ADAM2: variants seen among roughly 807,000 people sequenced by gnomAD.
ADAM2 encodes disintegrin and metalloproteinase domain-containing protein 2.
Under a neutral mutation model 99.3 loss-of-function variants are expected in ADAM2, and 101 were observed. The ratio of observed to expected loss-of-function variants is 1.02; its 90% CI spans 0.87 to 1.20. The LOEUF (loss-of-function observed/expected upper bound fraction) is 1.20, where lower values mean the gene tolerates loss of function less well. Ranked by LOEUF, ADAM2 falls within the 50% of genes most tolerant of loss-of-function variation. The pLI is 0.00. For synonymous variants in ADAM2, 323 were observed against 287.6 expected (o/e 1.12, Z -1.25); for missense variants, 948 against 878.7 (o/e 1.08, Z -1.00).
chr8:39,806,112 A>G (rs1278996175), intron 7 of ADAM2, among the ~76,000 whole-genome samples: 1 of 152,210 alleles, frequency 6.6e-6, no homozygotes, highest in Non-Finnish European at 1.5e-5. Context: ...GATATTGAAT[A>G]CTTTTTCCAA....
At chr8:39,748,743 T>A (rs907705036) in intron 18 of ADAM2, among the ~76,000 whole-genome samples, 13 of 152,166 alleles carry the variant, frequency 8.5e-5, no homozygotes, top group African/African-American at 3.1e-4. Flanking sequence ...CTAAGTAATA[T>A]CTGGAGGATT....
At chr8:39,769,671 A>G (rs985889639) in intron 11 of ADAM2, 96 bp from the exon 12 acceptor site, 11 of 744,282 alleles carry the variant, frequency 1.5e-5, no homozygotes, top group Non-Finnish European at 2.4e-5. Flanking sequence ...ACAACAGACC[A>G]AATTCCCAAG....
intron 7 of ADAM2, 111 bp from the exon 8 acceptor site, chr8:39,788,851 C>G: frequency 1.8e-6 from 1 of 548,568 alleles, no homozygotes; most frequent in East Asian, 3.5e-5. Context: ...ATTTAAATTA[C>G]AAACATATTA....
intron 2 of ADAM2, among the ~76,000 whole-genome samples, chr8:39,834,966 G>C (rs1415086163): frequency 6.6e-6 from 1 of 151,988 alleles, no homozygotes; most frequent in Non-Finnish European, 1.5e-5. Flanking sequence ...TTCTTGCAAG[G>C]ACACCAGTCA....
At chr8:39,832,692 G>A (rs969650653) in intron 3 of ADAM2, among the ~76,000 whole-genome samples, 1 of 152,140 alleles carries the variant, frequency 6.6e-6, no homozygotes, top group African/African-American at 2.4e-5. Flanking sequence ...ATTCTCTGAT[G>A]AAGGCTTTGT....
chr8:39,766,026 A>G (rs1802553950), intron 14 of ADAM2, among the ~76,000 whole-genome samples: 1 of 152,118 alleles, frequency 6.6e-6, no homozygotes, highest in Non-Finnish European at 1.5e-5. Context: ...TATAGTTTGC[A>G]CCATGGTTTT....
intron 10 of ADAM2, among the ~76,000 whole-genome samples, chr8:39,780,767 A>G (rs1803186763): frequency 6.6e-6 from 1 of 152,018 alleles, no homozygotes; most frequent in Non-Finnish European, 1.5e-5. Flanking sequence ...TTTAAATAAT[A>G]TTTTGCTGCT....
In ADAM2 at chr8:39,744,908, TA is replaced by T; in HGVS notation, c.2175-16del. 6.3e-7 allele frequency: 1 copy of T among 1,580,456 alleles called. No homozygotes were observed. The highest frequency in any genetic ancestry group is 8.7e-7 in the Non-Finnish European group (1 of 1,155,734). The stretch of plus-strand genomic sequence containing the variant: ...TTTCAGGTTGCCTGCATATTAAAAA[TA>T]AAAATAATATTATACTTTCTTCAAG... On this transcript the variant is annotated splice_polypyrimidine_tract_variant and intron_variant, in intron 19 of 20. Coordinates refer to ENST00000265708, the MANE Select transcript of ADAM2 (RefSeq NM_001464.5).
intron 16 of ADAM2, among the ~76,000 whole-genome samples, chr8:39,753,588 C>G (rs1401151236): frequency 1.3e-5 from 2 of 152,108 alleles, no homozygotes. Flanking sequence ...ACACAGAGGC[C>G]TAGGAGGGAA....
chr8:39,828,614 A>T (rs1805502401), intron 3 of ADAM2, among the ~76,000 whole-genome samples: 1 of 151,908 alleles, frequency 6.6e-6, no homozygotes, highest in Non-Finnish European at 1.5e-5. Flanking sequence ...AAACTAAAGG[A>T]CAAGTCTGGT....
intron 6 of ADAM2, among the ~76,000 whole-genome samples, chr8:39,820,476 C>T (rs557082943): frequency 1.3e-5 from 2 of 152,210 alleles, no homozygotes; most frequent in South Asian, 4.1e-4. Context: ...GAGAAGAACC[C>T]TAATGAAGCT....
intron 6 of ADAM2, 113 bp downstream of exon 6, chr8:39,820,889 C>A: frequency 1.7e-6 from 1 of 589,132 alleles, no homozygotes; most frequent in South Asian, 3.3e-5. Flanking sequence ...ATACATGTGG[C>A]TATATGTTTT....
rs749493396 is a variant in ADAM2 at position 39,746,603 on chromosome 8, A to G, written c.2043T>C (p.His681=). Residue 681 remains histidine (H), a synonymous_variant, in exon 19 of 21, where the codon CAT becomes CAC. Coordinates refer to ENST00000265708, the MANE Select transcript of ADAM2 (RefSeq NM_001464.5). ...AAAATGGCCATCTCATTGGTTTGGAATGGTAAATGTTCTCAATGTAGCGCC... is the reference window on the plus strand; with the variant it reads ...AAAATGGCCATCTCATTGGTTTGGAGTGGTAAATGTTCTCAATGTAGCGCC... ...PERRYIENIY[H]SKPMRWPFFL... is the part of the protein sequence containing the mutation. 9 of 1,604,600 alleles carry G rather than the reference A, an allele frequency of 5.6e-6. No individual in the cohort carries two copies. The highest frequency in any genetic ancestry group is 6.8e-6 in the Non-Finnish European group (8 of 1,176,924).
intron 14 of ADAM2, among the ~76,000 whole-genome samples, chr8:39,764,495 C>T (rs1487015119): frequency 4.6e-5 from 7 of 152,164 alleles, no homozygotes; most frequent in African/African-American, 1.7e-4. Context: ...TTTGCATGAC[C>T]AAATCAGAGC....
At chr8:39,814,411 GC>G (rs1408559125) in intron 6 of ADAM2, among the ~76,000 whole-genome samples, 5 of 151,542 alleles carry the variant, frequency 3.3e-5, no homozygotes, top group Admixed American at 1.3e-4. Context: ...AGACAAAGTA[GC>G]CCTAAAAGGA....
intron 7 of ADAM2, among the ~76,000 whole-genome samples, chr8:39,805,172 G>A (rs1262848952): frequency 1.3e-5 from 2 of 152,074 alleles, no homozygotes; most frequent in Non-Finnish European, 2.9e-5. Context: ...CCATTCATGA[G>A]GGCTTTGACC....
intron 3 of ADAM2, among the ~76,000 whole-genome samples, chr8:39,832,595 C>T (rs1419927169): frequency 6.6e-6 from 1 of 152,170 alleles, no homozygotes; most frequent in African/African-American, 2.4e-5. Context: ...TTTCTTACTA[C>T]TTTATTGATA....
intron 3 of ADAM2, among the ~76,000 whole-genome samples, chr8:39,833,399 A>G (rs1805693671): frequency 6.6e-6 from 1 of 152,122 alleles, no homozygotes; most frequent in Non-Finnish European, 1.5e-5. Flanking sequence ...ATCTGTTCTT[A>G]TCACTAGAAG....
chr8:39,796,030 G>A (rs1803924014), intron 7 of ADAM2, among the ~76,000 whole-genome samples: 1 of 151,720 alleles, frequency 6.6e-6, no homozygotes, highest in Non-Finnish European at 1.5e-5. Flanking sequence ...CAGAAATAGA[G>A]TATATACACT....
Sources: gnomAD v4.1 joint callset for allele counts (sites outside exome capture counted in the v4.1 genomes callset) on GRCh38, gnomAD v4.1.1 for gene constraint, MANE v1.5 for transcripts, NCBI Gene and HGNC (gene_info 2026-07-23, HGNC 2026-07-21) for gene names.